MAN2B2: variants seen among roughly 807,000 people sequenced by gnomAD.
MAN2B2 encodes the protein mannosidase alpha class 2B member 2.
In MAN2B2, 106 loss-of-function variants were observed where a neutral mutation model predicts 117.1. The observed-to-expected ratio is 0.90, with a 90% CI of 0.77 to 1.06. The LOEUF is 1.06. Among genes scored for constraint, MAN2B2 ranks in the 50% least tolerant of loss-of-function variants. The pLI, the probability that MAN2B2 is intolerant of heterozygous loss-of-function variation, is 0.00. For synonymous variants in MAN2B2, 544 were observed against 595.1 expected (o/e 0.91, Z 1.25); for missense variants, 1,326 against 1,381.4 (o/e 0.96, Z 0.64).
intron 16 of MAN2B2, among the ~76,000 whole-genome samples, chr4:6,615,551 C>T (rs750108665): frequency 3.3e-5 from 5 of 152,072 alleles, no homozygotes; most frequent in African/African-American, 4.8e-5. Context: ...AATGCCAGCA[C>T]TTTGGGAGGC....
intron 3 of MAN2B2, 52 bp from the exon 4 acceptor site, chr4:6,586,944 G>T: frequency 6.4e-7 from 1 of 1,566,488 alleles, no homozygotes. Context: ...GATGGGGCCG[G>T]GAGGCACAGG....
intron 10 of MAN2B2, among the ~76,000 whole-genome samples, chr4:6,602,029 G>A (rs994535324): frequency 2.0e-5 from 3 of 152,222 alleles, no homozygotes; most frequent in Non-Finnish European, 2.9e-5. Context: ...AGGGCCATCT[G>A]TGTCATCATC....
At chr4:6,577,169 C>T (rs1726096581) in intron 2 of MAN2B2, among the ~76,000 whole-genome samples, 1 of 152,168 alleles carries the variant, frequency 6.6e-6, no homozygotes, top group Non-Finnish European at 1.5e-5. Flanking sequence ...TTGCTTCATA[C>T]AGCATGGAGA....
chr4:6,610,128 A>T, intron 13 of MAN2B2, 78 bp downstream of exon 13: 1 of 1,533,372 alleles, frequency 6.5e-7, no homozygotes, highest in Non-Finnish European at 8.8e-7. Flanking sequence ...TTGCAGCAGT[A>T]GAGGCCAGTA....
At chr4:6,610,350 T>G in intron 13 of MAN2B2, among the ~76,000 whole-genome samples, 1 of 151,986 alleles carries the variant, frequency 6.6e-6, no homozygotes, top group African/African-American at 2.4e-5. Context: ...AGAGATGGGG[T>G]TTCACAATGA....
chr4:6,586,872 C>A, intron 3 of MAN2B2, 124 bp from the exon 4 acceptor site: 2 of 774,070 alleles, frequency 2.6e-6, no homozygotes, highest in East Asian at 2.5e-5. Flanking sequence ...TTCTGCATGA[C>A]CCTGCCTGGC....
Position 6,597,273 on chromosome 4 carries a change from G to A in MAN2B2, c.1218G>A (p.Gln406=), listed in dbSNP as rs1466850175. Residue 406 remains glutamine, a synonymous_variant, in exon 8 of 19, where the codon CAG becomes CAA. Transcript: ENST00000285599. ...TGGACCCCACCTGGGCCCTGCAGCA[G>A]CTCCAGCAGCTTCGCTGGGCCGTCT... The part of the protein sequence containing the change: ...GHLDPTWALQ[Q]LQQLRWAVSE... The A allele has an allele frequency of 3.2e-6, 5 of 1,566,634 alleles. No homozygotes were observed. In the Admixed American group the frequency reaches 7.7e-5, roughly 24 times the overall value.
chr4:6,580,075 A>G (rs530720439), intron 3 of MAN2B2, among the ~76,000 whole-genome samples: 16 of 152,316 alleles, frequency 1.1e-4, no homozygotes, highest in African/African-American at 3.4e-4. Context: ...GCAGAGAGCA[A>G]TGTTGTCAAA....
Position 6,578,439 on chromosome 4 carries a change from G to A in MAN2B2, c.332G>A (p.Gly111Asp). The A allele has an allele frequency of 6.2e-7, 1 of 1,613,714 alleles. No homozygotes were observed. Among genetic ancestry groups the A allele is most frequent in the Non-Finnish European group, 8.5e-7 (1 of 1,179,844 alleles). The change falls in exon 3 of 19, where the codon GGC becomes GAC. Residue 111 changes from glycine (G) to aspartate (D), a missense_variant. Transcript: ENST00000285599. ...GGACGCCTGGAATTTGTCATCGGAGGCCAGGTCATGCATGACGAGGCTGTG... is the reference window on the plus strand; with the variant it reads ...GGACGCCTGGAATTTGTCATCGGAGACCAGGTCATGCATGACGAGGCTGTG... ...EEGRLEFVIG[G>D]QVMHDEAVTH...
At chr4:6,595,884 T>A (rs1322543512) in intron 7 of MAN2B2, among the ~76,000 whole-genome samples, 1 of 152,198 alleles carries the variant, frequency 6.6e-6, no homozygotes, top group Non-Finnish European at 1.5e-5. Flanking sequence ...TGGTGACCAG[T>A]GGGGCTGCAT....
At position 6,619,951 on chromosome 4, in the gene MAN2B2, G is replaced by A. The variant is rs139003064; in HGVS notation, c.2839G>A (p.Val947Met). ...GGCTGTGCTGCAGGCGCTGGGGTCCGTGGTGGCAGTGGAGGAGCGCTCGCT... is the reference window on the plus strand; with the variant it reads ...GGCTGTGCTGCAGGCGCTGGGGTCCATGGTGGCAGTGGAGGAGCGCTCGCT... ...LEAVLQALGSVVAVEERSLTG... is the reference protein window; with the variant it reads ...LEAVLQALGSMVAVEERSLTG... Residue 947 changes from valine to methionine, a missense_variant, in exon 18 of 19, where the codon GTG (valine) becomes ATG (methionine). Val to Met is a conservative substitution (Grantham distance 21). Coordinates refer to ENST00000285599, the MANE Select transcript of MAN2B2 (RefSeq NM_015274.3). 6.1e-5 allele frequency: 98 copies of A among 1,613,774 alleles called. No individual in the cohort carries two copies. The highest frequency in any genetic ancestry group is 1.2e-4 in the Admixed American group (7 of 59,998).
rs796851683 is a variant in MAN2B2 at position 6,579,084 on chromosome 4, C to T, written c.391+586C>T. Among the ~76,000 whole-genome samples, 467 of 74,150 alleles carry T rather than the reference C, an allele frequency of 6.3e-3. 3 individuals are homozygous for T. Among genetic ancestry groups the T allele is most frequent in the South Asian group, 0.011 (21 of 1,874 alleles). The allele number at this position is 74,150 out of a possible 152,430, so 48.6% of individuals were successfully genotyped here. ...ACCATCACCATCACCACCACCACCA[C>T]CATCACCATCACCAGCACCACCACC... is the stretch of plus-strand genomic sequence containing the variant. On this transcript the variant is annotated intron_variant, in intron 3 of 18. Transcript: ENST00000285599.
Position 6,605,219 on chromosome 4 carries a change from G to A in MAN2B2, c.1704G>A (p.Arg568=), listed in dbSNP as rs1388920666. 2 of 1,614,108 alleles carry A rather than the reference G, an allele frequency of 1.2e-6. No homozygotes were observed. The highest frequency in any genetic ancestry group is 2.7e-5 in the African/African-American group (2 of 74,948). Residue 568 remains arginine, a synonymous_variant, in exon 11 of 19, where the codon AGG becomes AGA. Transcript: ENST00000285599. ...TVASTLQFGR[R]LRRRTSHAGR... Reference sequence around the variant, plus strand: ...CGAGCACCCTTCAATTTGGCCGCAGGCTGAGGAGACGCACCAGCCATGCGG... The same window carrying A: ...CGAGCACCCTTCAATTTGGCCGCAGACTGAGGAGACGCACCAGCCATGCGG...
At position 6,610,963 on chromosome 4, in the gene MAN2B2, C is replaced by G; in HGVS notation, c.2343C>G (p.Ile781Met). ...LVLLSERAHG[I>M]SSQGNGQVEV... ...TGCTGTCGGAGCGGGCACATGGCAT[C>G]TCCAGCCAAGGGAATGGGCAGGTGG... The change falls in exon 14 of 19, where the codon ATC becomes ATG. Residue 781 changes from isoleucine to methionine, a missense_variant. By Grantham distance (10) the Ile-to-Met change is conservative (BLOSUM62 1). Coordinates refer to ENST00000285599, the MANE Select transcript of MAN2B2 (RefSeq NM_015274.3). The G allele has an allele frequency of 1.2e-6, 2 of 1,614,212 alleles. No homozygotes were observed. Among genetic ancestry groups the G allele is most frequent in the Non-Finnish European group, 1.7e-6 (2 of 1,180,020 alleles).
intron 1 of MAN2B2, 25 bp from the exon 2 acceptor site, chr4:6,576,553 T>G: frequency 6.2e-7 from 1 of 1,601,506 alleles, no homozygotes; most frequent in African/African-American, 1.3e-5. Flanking sequence ...GGACCGGGGC[T>G]GGCATGATGC....
chr4:6,591,929 G>A (rs557347293), intron 5 of MAN2B2, among the ~76,000 whole-genome samples: 3 of 152,300 alleles, frequency 2.0e-5, no homozygotes, highest in African/African-American at 7.2e-5. Flanking sequence ...CACTGACGGA[G>A]ATGCTGTGAG....
rs1054187604 is a variant in MAN2B2 at position 6,620,172 on chromosome 4, C to A, written c.2932+128C>A. The A allele has an allele frequency of 9.5e-6, 7 of 735,726 alleles. No individual in the cohort carries two copies. In the East Asian group the frequency reaches 1.7e-4, roughly 17 times the overall value. 45.6% of individuals were successfully genotyped at this position (735,726 alleles called of 1,614,324 possible). On this transcript the variant is annotated intron_variant, in intron 18 of 18. Coordinates refer to ENST00000285599, the MANE Select transcript of MAN2B2 (RefSeq NM_015274.3). ...GCGACCTTGCGAGGCTGCTTTCCTA[C>A]TCTGAACCCGCAGCCCTCCCAAATC...
At chr4:6,580,937 G>C (rs1726404710) in intron 3 of MAN2B2, among the ~76,000 whole-genome samples, 1 of 152,194 alleles carries the variant, frequency 6.6e-6, no homozygotes, top group Admixed American at 6.5e-5. Flanking sequence ...TCTGGGGCAG[G>C]AAGAGCCTCC....
chr4:6,575,358 G>C lies in MAN2B2; in HGVS notation c.138+10G>C. The C allele has an allele frequency of 6.6e-7, 1 of 1,519,430 alleles. No homozygotes were observed. Among genetic ancestry groups the C allele is most frequent in the Non-Finnish European group, 8.8e-7 (1 of 1,132,304 alleles). 94.1% of individuals were successfully genotyped at this position (1,519,430 alleles called of 1,614,324 possible). A position where few individuals can be genotyped will look rare whatever the true frequency, so the allele number is the denominator to read the frequency against. ...GGTCTACACTGTGCAGGTAGGTGCC[G>C]ACCACGCCCCGCGCGCCCCTGAGGC... On this transcript the variant is annotated intron_variant, in intron 1 of 18. Transcript: ENST00000285599.
Sources: gnomAD v4.1 joint callset for allele counts (sites outside exome capture counted in the v4.1 genomes callset) on GRCh38, gnomAD v4.1.1 for gene constraint, MANE v1.5 for transcripts, NCBI Gene and HGNC (gene_info 2026-07-23, HGNC 2026-07-21) for gene names.